The following ARHGAP6 variants were observed in gnomAD, a reference collection of about 807,000 sequenced individuals.
The protein encoded by ARHGAP6 is rho GTPase-activating protein 6.
In ARHGAP6, 16 loss-of-function variants were observed where a neutral mutation model predicts 55.7. The observed-to-expected ratio is 0.29, with a 90% CI of 0.19 to 0.44. ARHGAP6 has a LOEUF of 0.44. Ranked by LOEUF, ARHGAP6 falls within the 20% of genes least tolerant of loss-of-function variation. The pLI is 1.00. For missense variants in ARHGAP6, 698 were observed against 808.9 expected, an observed-to-expected ratio of 0.86 and a Z score of 1.66; for synonymous variants, 382 against 360.9, an observed-to-expected ratio of 1.06 and a Z score of -0.66.
intron 1 of ARHGAP6, among the ~76,000 whole-genome samples, chrX:11,632,973 C>T (rs1334077124): frequency 8.9e-6 from 1 of 111,917 alleles, no homozygotes; most frequent in East Asian, 2.8e-4. Context: ...TACCAATGCC[C>T]AGAGCCTTTG....
At chrX:11,622,487 T>G (rs2052241327) in intron 1 of ARHGAP6, among the ~76,000 whole-genome samples, 1 of 111,619 alleles carries the variant, frequency 9.0e-6, no homozygotes, top group South Asian at 3.7e-4. Flanking sequence ...AGAAAGACTG[T>G]TCAGAGAAAT....
At chrX:11,153,886 A>G (rs1355366324) in intron 10 of ARHGAP6, among the ~76,000 whole-genome samples, 2 of 110,650 alleles carry the variant, frequency 1.8e-5, no homozygotes. Flanking sequence ...ATATGCATGC[A>G]TGTGCCATGT....
At chrX:11,382,591 T>A (rs1330612663) in intron 1 of ARHGAP6, among the ~76,000 whole-genome samples, 2 of 111,746 alleles carry the variant, frequency 1.8e-5, no homozygotes, top group African/African-American at 6.5e-5. Flanking sequence ...CGTTGCAACT[T>A]TTTTACAATG....
In ARHGAP6 at chrX:11,459,928, A is replaced by T. The variant is rs916942595; in HGVS notation, c.588+204313T>A. On this transcript the variant is annotated intron_variant, in intron 1 of 12. Coordinates refer to ENST00000337414, the MANE Select transcript of ARHGAP6 (RefSeq NM_013427.3). Reference sequence around the variant, plus strand: ...AGCCAATGAATTAGTGTTAAAAAAAAAGTGTTATAGTTGATCCTTGTTCAC... The same window carrying T: ...AGCCAATGAATTAGTGTTAAAAAAATAGTGTTATAGTTGATCCTTGTTCAC... Among the ~76,000 whole-genome samples the T allele has an allele frequency of 3.6e-5, 4 of 111,749 alleles. No homozygotes were observed. The East Asian group carries it at 1.1e-3, about 31-fold the overall frequency.
rs772748312 is a variant in ARHGAP6 at position 11,628,428 on chromosome X, A to G, written c.588+35813T>C. On this transcript the variant is annotated intron_variant, in intron 1 of 12. Transcript: ENST00000337414. ...GAATCTGTAAAGAGGGAATTGTATT[A>G]TTGTGTAATGCTGAGGATTTAAAGG... 8.9e-5 allele frequency among the ~76,000 whole-genome samples: 10 copies of G among 112,868 alleles called. No individual in the cohort carries two copies. In the East Asian group the frequency reaches 2.2e-3, roughly 25 times the overall value.
intron 1 of ARHGAP6, among the ~76,000 whole-genome samples, chrX:11,366,017 G>C (rs1603135619): frequency 9.0e-6 from 1 of 111,597 alleles, no homozygotes; most frequent in East Asian, 2.8e-4. Context: ...AGCAAGGTCT[G>C]GTCTCTTCCT....
chrX:11,649,085 G>C (rs149579722), intron 1 of ARHGAP6, among the ~76,000 whole-genome samples: 1,821 of 112,050 alleles, frequency 0.016, 32 homozygotes, highest in African/African-American at 0.055. Context: ...TTCCATCAAG[G>C]GGTAGACTCT....
At chrX:11,207,268 A>G (rs1382717648) in intron 2 of ARHGAP6, among the ~76,000 whole-genome samples, 13 of 109,317 alleles carry the variant, frequency 1.2e-4, no homozygotes, top group African/African-American at 3.7e-4. Flanking sequence ...GCCTCAAGCA[A>G]TCCTCCCACC....
intron 1 of ARHGAP6, among the ~76,000 whole-genome samples, chrX:11,495,815 T>C (rs2050616818): frequency 8.9e-6 from 1 of 112,696 alleles, no homozygotes; most frequent in Non-Finnish European, 1.9e-5. Flanking sequence ...GGGACGTCAT[T>C]GCCAGAATTG....
chrX:11,524,789 A>G (rs1297155974), intron 1 of ARHGAP6, among the ~76,000 whole-genome samples: 1 of 111,346 alleles, frequency 9.0e-6, no homozygotes, highest in Admixed American at 9.6e-5. Flanking sequence ...CCATTGTAAT[A>G]TATAATAAAA....
rs2046475702 is a variant in ARHGAP6, at chrX:11,192,650, C to T, written c.821-3666G>A. Among the ~76,000 whole-genome samples the T allele has an allele frequency of 2.7e-5, 3 of 112,264 alleles. No individual in the cohort carries two copies. The Admixed American group carries it at 2.8e-4, about 11-fold the overall frequency. On this transcript the variant is annotated intron_variant, in intron 3 of 12. Transcript: ENST00000337414. ...TTACTTCACAGCTCACATACAGTTA[C>T]ATACCTAGACAGTGAGGAAAAGAAA...
chrX:11,545,060 C>T (rs1179124891), intron 1 of ARHGAP6, among the ~76,000 whole-genome samples: 1 of 111,878 alleles, frequency 8.9e-6, no homozygotes, highest in Admixed American at 9.5e-5. Flanking sequence ...ATTTCAGACA[C>T]CAGCAAGTTG....
At chrX:11,590,253 T>C (rs2051788446) in intron 1 of ARHGAP6, among the ~76,000 whole-genome samples, 1 of 111,752 alleles carries the variant, frequency 8.9e-6, no homozygotes, top group African/African-American at 3.3e-5. Context: ...TTAATTACTA[T>C]ATTATAATTC....
At chrX:11,326,088 T>C (rs1388021363) in intron 1 of ARHGAP6, among the ~76,000 whole-genome samples, 1 of 110,033 alleles carries the variant, frequency 9.1e-6, no homozygotes, top group Non-Finnish European at 1.9e-5. Context: ...GAGTATATAA[T>C]GTTTTACCAA....
chrX:11,447,884 T>C (rs1180188739), intron 1 of ARHGAP6, among the ~76,000 whole-genome samples: 2 of 112,261 alleles, frequency 1.8e-5, no homozygotes, highest in South Asian at 3.7e-4. Flanking sequence ...TTGGTTGACA[T>C]GTATATTTAT....
chrX:11,525,270 G>A (rs765219016), intron 1 of ARHGAP6, among the ~76,000 whole-genome samples: 2 of 111,866 alleles, frequency 1.8e-5, no homozygotes, highest in East Asian at 5.6e-4. Context: ...GTCCCCTGAA[G>A]AGCCTATCTT....
intron 1 of ARHGAP6, among the ~76,000 whole-genome samples, chrX:11,563,946 A>C (rs997237912): frequency 9.0e-6 from 1 of 111,624 alleles, no homozygotes. Flanking sequence ...AGAGATCTAA[A>C]GCATTGTGTG....
chrX:11,412,397 C>G (rs967464924), intron 1 of ARHGAP6, among the ~76,000 whole-genome samples: 3 of 112,027 alleles, frequency 2.7e-5, no homozygotes, highest in Non-Finnish European at 5.6e-5. Flanking sequence ...GACTACTGGT[C>G]TCCTTCAAAT....
chrX:11,565,584 G>C (rs190895979), intron 1 of ARHGAP6, among the ~76,000 whole-genome samples: 3 of 112,466 alleles, frequency 2.7e-5, no homozygotes, highest in Admixed American at 1.9e-4. Context: ...GCCCATGGGA[G>C]GTGTTGCTAG....
Sources: allele counts gnomAD v4.1 joint callset (sites outside exome capture counted in the v4.1 genomes callset), GRCh38; gene constraint gnomAD v4.1.1; transcripts MANE v1.5; gene names NCBI Gene and HGNC (gene_info 2026-07-23, HGNC 2026-07-21).